HECTD4: variants seen among roughly 807,000 people sequenced by gnomAD.
HECTD4 encodes HECT domain E3 ubiquitin protein ligase 4.
A neutral mutation model predicts 471.5 loss-of-function variants in HECTD4; 114 were observed. That is an observed-to-expected ratio of 0.24 (90% CI 0.21 to 0.28). The LOEUF is 0.28. Among genes scored for constraint, HECTD4 ranks in the 10% least tolerant of loss-of-function variants. The pLI is 1.00. For synonymous variants in HECTD4, 2,012 were observed against 2,256.0 expected, an observed-to-expected ratio of 0.89 and a Z score of 3.07; for missense variants, 3,866 against 5,651.5, an observed-to-expected ratio of 0.68 and a Z score of 10.13.
intron 7 of HECTD4, among the ~76,000 whole-genome samples, chr12:112,293,719 G>C (rs1450007919): frequency 6.6e-6 from 1 of 152,212 alleles, no homozygotes; most frequent in Non-Finnish European, 1.5e-5. Flanking sequence ...GGATGTAGAA[G>C]AAAATGCTAA....
intron 1 of HECTD4, among the ~76,000 whole-genome samples, chr12:112,369,721 C>CG (rs2036633041): frequency 6.6e-6 from 1 of 151,960 alleles, no homozygotes; most frequent in Non-Finnish European, 1.5e-5. Flanking sequence ...ACACTAATAC[C>CG]GGGACTATAA....
chr12:112,256,512 T>C lies in HECTD4; in HGVS notation c.3135A>G (p.Leu1045=), dbSNP rs1165258549. ...KCRLFPDERM[L]EEKEEPGFLT... ...GAAATCCTGGCTCTTCCTTCTCTTC[T>C]AACATTCTAAACAGAAAAAGAGAAA... The change falls in exon 21 of 76, where the codon TTA becomes TTG. Residue 1045 remains leucine, a synonymous_variant. Transcript: ENST00000682272. The C allele has an allele frequency of 8.9e-6, 14 of 1,575,232 alleles. No homozygotes were observed. Among genetic ancestry groups the C allele is most frequent in the Non-Finnish European group, 1.1e-5 (13 of 1,165,010 alleles).
intron 32 of HECTD4, 114 bp from the exon 33 acceptor site, chr12:112,240,141 G>T (rs2033605331): frequency 3.7e-6 from 4 of 1,068,010 alleles, no homozygotes; most frequent in Non-Finnish European, 5.4e-6. Context: ...GAACTGAAGG[G>T]ATCTTGGAGA....
At chr12:112,366,162 T>C (rs1046031157) in intron 1 of HECTD4, among the ~76,000 whole-genome samples, 2 of 152,062 alleles carry the variant, frequency 1.3e-5, no homozygotes, top group African/African-American at 4.8e-5. Context: ...CTGACCAACA[T>C]TCTCCCTCAG....
At chr12:112,302,501 A>C (rs2035186782) in intron 7 of HECTD4, 1 of 739,714 alleles carries the variant, frequency 1.4e-6, no homozygotes, top group Non-Finnish European at 2.5e-6. Context: ...ATAGCGGGCC[A>C]TTTCACAAAG....
At chr12:112,176,136 C>T (rs548798731) in intron 65 of HECTD4, among the ~76,000 whole-genome samples, 44 of 152,358 alleles carry the variant, frequency 2.9e-4, no homozygotes, top group African/African-American at 9.6e-4. Context: ...AAAACATCCC[C>T]GACTGACAAA....
intron 67 of HECTD4, among the ~76,000 whole-genome samples, chr12:112,171,566 T>C (rs1323104020): frequency 6.6e-6 from 1 of 152,196 alleles, no homozygotes; most frequent in African/African-American, 2.4e-5. Context: ...CTTACAATTT[T>C]GAAATAATAA....
chr12:112,263,342 A>G (rs1331295490), intron 17 of HECTD4, among the ~76,000 whole-genome samples: 2 of 152,152 alleles, frequency 1.3e-5, no homozygotes, highest in African/African-American at 2.4e-5. Context: ...TCCTTGGTTG[A>G]TTTTTCAGTG....
chr12:112,171,259 C>G lies in HECTD4; in HGVS notation c.11790G>C (p.Val3930=), dbSNP rs2031209353. 1.2e-6 allele frequency: 2 copies of G among 1,603,084 alleles called. No individual in the cohort carries two copies. Among genetic ancestry groups the G allele is most frequent in the Admixed American group, 1.7e-5 (1 of 57,966 alleles). ...AGCGCAGGCGCAGGCTCTCGATGGGCACGTCTGAGGGCGCAGGAGCAGTCA... is the reference window on the plus strand; with the variant it reads ...AGCGCAGGCGCAGGCTCTCGATGGGGACGTCTGAGGGCGCAGGAGCAGTCA... ...ADPRVACLLN[V]PIESLRLRFA... The change falls in exon 68 of 76, where the codon GTG becomes GTC. Residue 3930 remains valine (V), a synonymous_variant. Transcript: ENST00000682272.
In HECTD4 at chr12:112,193,819, G is replaced by A. The variant is rs1272318952; in HGVS notation, c.8750-145C>T. Reference sequence around the variant, plus strand: ...TATGATGTCCTGGATAACAGATGCCGGCAATCAGATCCTCTGCACCAGGAT... The same window carrying A: ...TATGATGTCCTGGATAACAGATGCCAGCAATCAGATCCTCTGCACCAGGAT... On this transcript the variant is annotated intron_variant, in intron 56 of 75. Transcript: ENST00000682272. This position sits in a 1 kb window ranked among gnomAD's most constrained non-coding sequence, Gnocchi z 5.2. 5 of 701,046 alleles carry A rather than the reference G, an allele frequency of 7.1e-6. No individual in the cohort carries two copies. The highest frequency in any genetic ancestry group is 2.7e-5 in the East Asian group (1 of 36,892). 43.4% of individuals were successfully genotyped at this position (701,046 alleles called of 1,614,324 possible).
rs3031822 is a variant in HECTD4, at chr12:112,367,306, A to AAAAGAAAGAAAG, written c.177+14634_177+14645dup. Reference sequence around the variant, plus strand: ...AGAGTAAGACTTGGTCTCAAAAAAAAAAAGAAAGAAAGAAAGAAAGAAAGA... The same window carrying AAAAGAAAGAAAG: ...AGAGTAAGACTTGGTCTCAAAAAAAAAAAGAAAGAAAGAAAGAAAGAAAGAAAGAAAGAAAGA... On this transcript the variant is annotated intron_variant, in intron 1 of 75. Transcript: ENST00000682272. Among the ~76,000 whole-genome samples, 237 of 133,884 alleles carry AAAAGAAAGAAAG rather than the reference A, an allele frequency of 1.8e-3. 2 individuals are homozygous for AAAAGAAAGAAAG. Among genetic ancestry groups the AAAAGAAAGAAAG allele is most frequent in the African/African-American group, 4.8e-3 (175 of 36,426 alleles). 87.8% of individuals were successfully genotyped at this position (133,884 alleles called of 152,430 possible).
chr12:112,317,050 G>A (rs1306157306), intron 2 of HECTD4, among the ~76,000 whole-genome samples: 1 of 152,176 alleles, frequency 6.6e-6, no homozygotes, highest in Non-Finnish European at 1.5e-5. Context: ...AAACTAAAGA[G>A]TTGATAATTA....
chr12:112,313,867 G>A (rs1264283645), intron 3 of HECTD4, among the ~76,000 whole-genome samples: 6 of 152,104 alleles, frequency 3.9e-5, no homozygotes, highest in Admixed American at 3.3e-4. Flanking sequence ...TATTTTATGT[G>A]TATTTTTGTG....
chr12:112,282,267 C>T (rs1199545472), intron 8 of HECTD4, among the ~76,000 whole-genome samples: 1 of 152,096 alleles, frequency 6.6e-6, no homozygotes, highest in East Asian at 1.9e-4. Context: ...CCTGTAGTCC[C>T]AGCTACTCGG....
intron 17 of HECTD4, among the ~76,000 whole-genome samples, chr12:112,262,507 C>T (rs1329174912): frequency 1.1e-5 from 1 of 90,734 alleles, no homozygotes; most frequent in Non-Finnish European, 1.8e-5. Flanking sequence ...CAAAGAGAGA[C>T]TCCATCTCAA....
chr12:112,202,177 T>C (rs2032448138), intron 54 of HECTD4, among the ~76,000 whole-genome samples: 1 of 152,184 alleles, frequency 6.6e-6, no homozygotes, highest in Non-Finnish European at 1.5e-5. Context: ...TGAGTTAAAT[T>C]ACATTCTGAC....
At chr12:112,253,821 G>GAGT in intron 22 of HECTD4, among the ~76,000 whole-genome samples, 1 of 152,178 alleles carries the variant, frequency 6.6e-6, no homozygotes, top group Admixed American at 6.5e-5. Flanking sequence ...TCTATGCATG[G>GAGT]AGTAACTTGT....
At chr12:112,264,241 A>T in intron 16 of HECTD4, 29 bp from the exon 17 acceptor site, 1 of 1,504,888 alleles carries the variant, frequency 6.6e-7, no homozygotes, top group Non-Finnish European at 8.9e-7. Flanking sequence ...CATTTAAATG[A>T]TCTAAATCCT....
intron 7 of HECTD4, among the ~76,000 whole-genome samples, chr12:112,287,175 C>T (rs1373902748): frequency 2.0e-5 from 3 of 152,188 alleles, no homozygotes; most frequent in Non-Finnish European, 4.4e-5. Context: ...CCACCCCATG[C>T]ACTCCCTCTC....
Sources: allele counts gnomAD v4.1 joint callset (sites outside exome capture counted in the v4.1 genomes callset), GRCh38; gene constraint gnomAD v4.1.1; non-coding constraint Gnocchi (gnomAD v3.1); transcripts MANE v1.5; gene names NCBI Gene and HGNC (gene_info 2026-07-23, HGNC 2026-07-21).